SECISBP2: variants seen among roughly 807,000 people sequenced by gnomAD.
SECISBP2 encodes SECIS binding protein 2.
A neutral mutation model predicts 98.2 loss-of-function variants in SECISBP2; 96 were observed. The ratio of observed to expected loss-of-function variants is 0.98; its 90% CI spans 0.83 to 1.16. The LOEUF (loss-of-function observed/expected upper bound fraction) is 1.16, where lower values mean the gene tolerates loss of function less well. Ranked by LOEUF, SECISBP2 falls within the 50% of genes most tolerant of loss-of-function variation. SECISBP2 has a pLI of 0.00. For synonymous variants in SECISBP2, 407 were observed against 370.2 expected (o/e 1.10, Z -1.14); for missense variants, 1,046 against 1,022.9 (o/e 1.02, Z -0.31).
the SECISBP2 span, among the ~76,000 whole-genome samples, chr9:89,365,885 T>G: frequency 1.3e-5 from 2 of 152,186 alleles, no homozygotes; most frequent in African/African-American, 4.8e-5. Context: ...AGTAATGCAT[T>G]TTCCCTGCTT....
chr9:89,362,503 C>T (rs1832849692), downstream of SECISBP2: 2 of 1,613,242 alleles, frequency 1.2e-6, no homozygotes, highest in Non-Finnish European at 1.7e-6. Flanking sequence ...CAGTCTGTCT[C>T]ATAGCCCATC....
intron 11 of SECISBP2, 65 bp downstream of exon 11, chr9:89,347,113 T>G: frequency 1.3e-6 from 2 of 1,518,920 alleles, no homozygotes; most frequent in Non-Finnish European, 9.0e-7. Context: ...CCATAGTTAT[T>G]CTCCCAGCTC....
Position 89,350,760 on chromosome 9 carries a change from T to C in SECISBP2, c.2021T>C (p.Val674Ala), listed in dbSNP as rs1405758513. 1 of 1,614,216 alleles carries C rather than the reference T, an allele frequency of 6.2e-7. No individual in the cohort carries two copies. ...AAGGCCAAGACTAAACGTCGACTTGTGTTGGGGTTGAGGGAGGTTCTCAAA... is the reference window on the plus strand; with the variant it reads ...AAGGCCAAGACTAAACGTCGACTTGCGTTGGGGTTGAGGGAGGTTCTCAAA... The part of the protein sequence containing the change: ...PVKAKTKRRL[V>A]LGLREVLKHL... The change falls in exon 14 of 17, where the codon GTG (valine) becomes GCG (alanine). Residue 674 changes from valine to alanine, a missense_variant. Physicochemically the swap from Val to Ala is moderately conservative, Grantham distance 64. Transcript: ENST00000375807.
chr9:89,341,857 A>T (rs1187089486), intron 10 of SECISBP2, among the ~76,000 whole-genome samples: 1 of 152,136 alleles, frequency 6.6e-6, no homozygotes, highest in African/African-American at 2.4e-5. Context: ...CTCTTAAAAG[A>T]AAACGGGTAA....
In SECISBP2 at chr9:89,358,877, G is replaced by T. The variant is rs1309815253; in HGVS notation, c.*53G>T. The T allele has an allele frequency of 1.2e-5, 13 of 1,088,608 alleles. No individual in the cohort carries two copies. The highest frequency in any genetic ancestry group is 1.8e-5 in the Non-Finnish European group (13 of 711,102). 67.4% of individuals were successfully genotyped at this position (1,088,608 alleles called of 1,614,324 possible). A position where few individuals can be genotyped will look rare whatever the true frequency, so the allele number is the denominator to read the frequency against. On this transcript the variant is annotated 3_prime_UTR_variant, in exon 17 of 17. Transcript: ENST00000375807. ...GGGTAAGGAGGGGAGGTCTGAAAAA[G>T]ACTTTGGGGCTTTTTCTTCTGTTTT...
rs7866237 is a variant in SECISBP2, at chr9:89,349,342, C to T, written c.1739-434C>T. ...ATAGTTTAGATGTTGGAGTTCAGCT[C>T]TTTCTAAAGGATTATTTCAAAAAGA... is the stretch of plus-strand genomic sequence containing the variant. On this transcript the variant is annotated intron_variant, in intron 12 of 16. Coordinates refer to ENST00000375807, the MANE Select transcript of SECISBP2 (RefSeq NM_024077.5). Among the ~76,000 whole-genome samples the T allele has an allele frequency of 5.8e-3, 885 of 152,242 alleles. 9 individuals carry two copies. The highest frequency in any genetic ancestry group is 0.02 in the African/African-American group (837 of 41,528).
Position 89,350,699 on chromosome 9 carries a change from C to T in SECISBP2, c.1960C>T (p.Arg654Cys), listed in dbSNP as rs753262990. The change falls in exon 14 of 17, where the codon CGT (arginine) becomes TGT (cysteine). Residue 654 changes from arginine (R) to cysteine (C), a missense_variant. Physicochemically the swap from Arg to Cys is radical, Grantham distance 180. Coordinates refer to ENST00000375807, the MANE Select transcript of SECISBP2 (RefSeq NM_024077.5). ...CVTDLLKELV[R>C]FQDRMYQKDP... ...TACCGACCTACTCAAAGAACTGGTC[C>T]GTTTCCAAGACCGTATGTACCAGAA... 98 of 1,614,016 alleles carry T rather than the reference C, an allele frequency of 6.1e-5. No homozygotes were observed. The highest frequency in any genetic ancestry group is 7.9e-5 in the Non-Finnish European group (93 of 1,180,026).
chr9:89,325,316 G>C, intron 2 of SECISBP2, 111 bp from the exon 3 acceptor site: 1 of 997,294 alleles, frequency 1.0e-6, no homozygotes, highest in Non-Finnish European at 1.5e-6. Flanking sequence ...TCCAGTGCTA[G>C]AGTGAATGGT....
chr9:89,318,542 G>GCCTCCGTGACGCGGCCT lies in SECISBP2; in HGVS notation c.-28_-12dup. On this transcript the variant is annotated 5_prime_UTR_variant, in exon 1 of 17. Transcript: ENST00000375807. ...CCGGCAAGCCGACGGCCCGCTGCTG[G>GCCTCCGTGACGCGGCCT]CCTCCGTGACGCGGCCTCCTCCGCG... 4 of 1,511,928 alleles carry GCCTCCGTGACGCGGCCT rather than the reference G, an allele frequency of 2.6e-6. No homozygotes were observed. Among genetic ancestry groups the GCCTCCGTGACGCGGCCT allele is most frequent in the Non-Finnish European group, 3.5e-6 (4 of 1,135,704 alleles). 93.7% of individuals were successfully genotyped at this position (1,511,928 alleles called of 1,614,324 possible). A position where few individuals can be genotyped will look rare whatever the true frequency, so the allele number is the denominator to read the frequency against.
intron 12 of SECISBP2, among the ~76,000 whole-genome samples, chr9:89,348,936 T>A (rs1830845252): frequency 6.6e-6 from 1 of 152,252 alleles, no homozygotes; most frequent in Non-Finnish European, 1.5e-5. Context: ...ATTTTCCAGT[T>A]TGGGTAATTA....
downstream of SECISBP2, chr9:89,362,340 T>C: frequency 6.2e-7 from 1 of 1,613,914 alleles, no homozygotes; most frequent in East Asian, 2.2e-5. Context: ...GGGGTGGCTG[T>C]GGTCAGTGGC....
intron 10 of SECISBP2, among the ~76,000 whole-genome samples, chr9:89,345,563 T>C (rs941113405): frequency 3.3e-5 from 5 of 152,200 alleles, no homozygotes; most frequent in African/African-American, 1.2e-4. Context: ...GCAGTTCTGT[T>C]GAACTTCGTG....
At chr9:89,329,291 A>G (rs1401600750) in intron 5 of SECISBP2, 15 of 205,382 alleles carry the variant, frequency 7.3e-5, no homozygotes, top group Non-Finnish European at 9.8e-5. Flanking sequence ...TTTTTTTTGT[A>G]TTTTAGTAGA....
chr9:89,348,106 A>G lies in SECISBP2; in HGVS notation c.1630A>G (p.Lys544Glu), dbSNP rs765532837. 6.2e-7 allele frequency: 1 copy of G among 1,613,834 alleles called. No individual in the cohort carries two copies. The highest frequency in any genetic ancestry group is 2.2e-5 in the East Asian group (1 of 44,890). ...KIILKERQER[K>E]QRLQENAVSP... ...TATTTTGAAAGAACGGCAAGAGAGAAAGCAGCGTCTCCAAGAAAATGCTGT... is the reference window on the plus strand; with the variant it reads ...TATTTTGAAAGAACGGCAAGAGAGAGAGCAGCGTCTCCAAGAAAATGCTGT... The change falls in exon 12 of 17, where the codon AAG becomes GAG. Residue 544 changes from lysine to glutamate, a missense_variant. Lys to Glu is a moderately conservative substitution (Grantham distance 56, BLOSUM62 1). Coordinates refer to ENST00000375807, the MANE Select transcript of SECISBP2 (RefSeq NM_024077.5).
chr9:89,365,422 GCACCT>G, the SECISBP2 span: 1 of 152,546 alleles, frequency 6.6e-6, no homozygotes, highest in South Asian at 2.1e-4. Flanking sequence ...TCCCTGACCA[GCACCT>G]GCCCTTCCTC....
intron 14 of SECISBP2, chr9:89,355,079 T>G: frequency 1.0e-6 from 1 of 985,414 alleles, no homozygotes; most frequent in Non-Finnish European, 1.2e-6. Flanking sequence ...GAATAAGGGC[T>G]GTGGGTTTAG....
chr9:89,341,309 T>C, intron 9 of SECISBP2, 38 bp from the exon 10 acceptor site: 3 of 1,580,516 alleles, frequency 1.9e-6, no homozygotes, highest in Non-Finnish European at 2.6e-6. Flanking sequence ...ACAGTTTGTA[T>C]AGTTTTATAA....
intron 1 of SECISBP2, chr9:89,318,819 C>T (rs1045803281): frequency 2.4e-6 from 3 of 1,274,464 alleles, no homozygotes; most frequent in Non-Finnish European, 3.0e-6. Context: ...AGACCCCGCC[C>T]ACAGTTAGCG....
chr9:89,349,662 TGTG>T, intron 12 of SECISBP2, 111 bp from the exon 13 acceptor site: 2 of 1,083,944 alleles, frequency 1.8e-6, no homozygotes, highest in East Asian at 4.8e-5. Context: ...TGTCTGTGAA[TGTG>T]GTGGTTGTGT....
Sources: allele counts gnomAD v4.1 joint callset (sites outside exome capture counted in the v4.1 genomes callset), GRCh38; gene constraint gnomAD v4.1.1; transcripts MANE v1.5; gene names NCBI Gene and HGNC (gene_info 2026-07-23, HGNC 2026-07-21).